RTTN: variants seen among roughly 807,000 people sequenced by gnomAD.
RTTN encodes the protein rotatin.
In RTTN, 182 loss-of-function variants were observed where a neutral mutation model predicts 269.2. The ratio of observed to expected loss-of-function variants is 0.68; its 90% CI spans 0.60 to 0.76. The LOEUF (loss-of-function observed/expected upper bound fraction) is 0.76, where lower values mean the gene tolerates loss of function less well. Among genes scored for constraint, RTTN ranks in the 30% least tolerant of loss-of-function variants. The probability of loss-of-function intolerance (pLI) is 0.00; values close to 1 mark genes in which losing one functional copy is unlikely to be tolerated. For missense variants in RTTN, 2,545 were observed against 2,608.6 expected, an observed-to-expected ratio of 0.98 and a Z score of 0.53; for synonymous variants, 1,006 against 963.5, an observed-to-expected ratio of 1.04 and a Z score of -0.82.
rs752057488 is a variant in RTTN at position 70,028,762 on chromosome 18, G to A, written c.5785C>T (p.Leu1929Phe). The A allele has an allele frequency of 1.2e-6, 2 of 1,611,796 alleles. No individual in the cohort carries two copies. The highest frequency in any genetic ancestry group is 2.2e-5 in the East Asian group (1 of 44,828). ...VIKELSIAMQLLRNCLYQNEE... is the reference protein window; with the variant it reads ...VIKELSIAMQFLRNCLYQNEE... ...TTTTGATAAAGACAGTTTCTTAGGA[G>A]CTGCATGGCAATGCTTAACTCTTTA... The change falls in exon 43 of 49, where the codon CTC (leucine) becomes TTC (phenylalanine). Residue 1929 changes from leucine to phenylalanine, a missense_variant. Physicochemically the swap from Leu to Phe is conservative, Grantham distance 22. Transcript: ENST00000640769.
At chr18:70,010,040 T>C (rs2056321412) in intron 46 of RTTN, among the ~76,000 whole-genome samples, 1 of 152,110 alleles carries the variant, frequency 6.6e-6, no homozygotes, top group Admixed American at 6.5e-5. Flanking sequence ...GAACTAACTA[T>C]CCTAAATATA....
chr18:70,173,309 A>G (rs1242337923), intron 11 of RTTN, among the ~76,000 whole-genome samples: 1 of 152,056 alleles, frequency 6.6e-6, no homozygotes, highest in Non-Finnish European at 1.5e-5. Context: ...CCTGGCTAAC[A>G]TGGTGAAACA....
At chr18:70,192,072 A>T (rs542694071) in intron 8 of RTTN, among the ~76,000 whole-genome samples, 4 of 152,340 alleles carry the variant, frequency 2.6e-5, no homozygotes, top group Admixed American at 6.5e-5. Context: ...CTCAATGAGG[A>T]TGATAATAAT....
intron 7 of RTTN, 48 bp downstream of exon 7, chr18:70,196,453 G>C: frequency 6.5e-7 from 1 of 1,535,532 alleles, no homozygotes; most frequent in Non-Finnish European, 8.9e-7. Flanking sequence ...GTTCCCAGAA[G>C]AATCTACAAA....
At chr18:70,193,176 CAAAAA>C (rs35759421) in intron 8 of RTTN, 107 bp downstream of exon 8, 242 of 660,070 alleles carry the variant, frequency 3.7e-4, no homozygotes, top group South Asian at 6.7e-4. Context: ...GTTAATGTTT[CAAAAA>C]AAAAAAAAAA....
intron 34 of RTTN, among the ~76,000 whole-genome samples, chr18:70,068,760 A>T (rs1417652424): frequency 6.6e-6 from 1 of 152,182 alleles, no homozygotes; most frequent in Non-Finnish European, 1.5e-5. Context: ...AATTCATTAG[A>T]ATGGTCTAAG....
In RTTN at chr18:70,166,999, C is replaced by A. The variant is rs1417382426; in HGVS notation, c.1722G>T (p.Leu574=). The A allele has an allele frequency of 6.2e-7, 1 of 1,613,304 alleles. No individual in the cohort carries two copies. Among genetic ancestry groups the A allele is most frequent in the African/African-American group, 1.3e-5 (1 of 75,036 alleles). ...AAAAGCTACGCAAGGCTTGGTCTGC[C>A]AGCTCCACTAATTCTAAGAGATTCT... ...GEKNLLELVE[L]ADQALRSFSY... The change falls in exon 13 of 49, where the codon CTG becomes CTT. Residue 574 remains leucine (L), a synonymous_variant. Transcript: ENST00000640769.
chr18:70,149,096 T>C (rs2060471263), intron 16 of RTTN, 59 bp from the exon 17 acceptor site: 1 of 1,480,168 alleles, frequency 6.8e-7, no homozygotes, highest in Non-Finnish European at 9.3e-7. Flanking sequence ...ACTTTTCAAC[T>C]TGAAAATAAG....
chr18:70,074,687 T>A (rs2058382605), intron 33 of RTTN: 1 of 151,706 alleles, frequency 6.6e-6, no homozygotes, highest in African/African-American at 2.4e-5. Context: ...TTCTAAAAAA[T>A]TATTATAAAA....
At chr18:70,045,726 C>T (rs2057471721) in intron 40 of RTTN, among the ~76,000 whole-genome samples, 1 of 152,298 alleles carries the variant, frequency 6.6e-6, no homozygotes, top group Non-Finnish European at 1.5e-5. Flanking sequence ...CTTAAACTTG[C>T]CTGTGCCTTT....
rs1252890494 is a variant in RTTN at position 70,148,981 on chromosome 18, T to TG, written c.2228dup (p.Ser744LysfsTer3). 6.2e-7 allele frequency: 1 copy of TG among 1,613,632 alleles called. No homozygotes were observed. Among genetic ancestry groups the TG allele is most frequent in the Non-Finnish European group, 8.5e-7 (1 of 1,179,620 alleles). ...GAAGCATCTCTTCTGTGTCAGAACT[T>TG]GCTTTGCTTAGAAGGAGAATGCAGT... On this transcript the variant is annotated frameshift_variant, in exon 17 of 49. Transcript: ENST00000640769. LOFTEE classifies it high-confidence loss of function.
chr18:70,162,354 T>C (rs1471092117), intron 14 of RTTN, among the ~76,000 whole-genome samples: 5 of 152,146 alleles, frequency 3.3e-5, no homozygotes, highest in Admixed American at 3.3e-4. Context: ...TGGGGCCTAC[T>C]TCACAAGGGA....
intron 8 of RTTN, chr18:70,193,027 C>G (rs967885552): frequency 3.1e-6 from 1 of 320,260 alleles, no homozygotes; most frequent in Non-Finnish European, 5.6e-6. Flanking sequence ...GGGACACATA[C>G]ACACACATAT....
chr18:70,113,548 A>T (rs1408566991), intron 27 of RTTN, among the ~76,000 whole-genome samples: 1 of 152,192 alleles, frequency 6.6e-6, no homozygotes, highest in Non-Finnish European at 1.5e-5. Flanking sequence ...TCCTAATTAT[A>T]TACTCAAGAG....
At chr18:70,205,535 G>T (rs990346249) in intron 1 of RTTN, 93 bp downstream of exon 1, 29 of 1,538,542 alleles carry the variant, frequency 1.9e-5, no homozygotes, top group Non-Finnish European at 2.6e-5. Context: ...GAGCGGTCGC[G>T]GAGCGGCCGG....
rs11665578 is a variant in RTTN, at chr18:70,075,210, T to C, written c.4564+142A>G. The C allele has an allele frequency of 0.18, 100,755 of 557,258 alleles. 10,842 individuals are homozygous for C. Among genetic ancestry groups the C allele is most frequent in the Non-Finnish European group, 0.22 (71,711 of 330,358 alleles). 34.5% of individuals were successfully genotyped at this position (557,258 alleles called of 1,614,324 possible). A position where few individuals can be genotyped will look rare whatever the true frequency, so the allele number is the denominator to read the frequency against. Reference sequence around the variant, plus strand: ...AGAAAGAAGACGGGAAGAAAATACATCTCTCTGGGTGGTAGAACTGGAAAT... The same window carrying C: ...AGAAAGAAGACGGGAAGAAAATACACCTCTCTGGGTGGTAGAACTGGAAAT... On this transcript the variant is annotated intron_variant, in intron 33 of 48. Coordinates refer to ENST00000640769, the MANE Select transcript of RTTN (RefSeq NM_173630.4).
chr18:70,035,516 A>T (rs1211704476), intron 40 of RTTN, among the ~76,000 whole-genome samples: 5 of 152,188 alleles, frequency 3.3e-5, no homozygotes, highest in Admixed American at 2.0e-4. Context: ...ATATACATAC[A>T]TTGAAACTGG....
chr18:70,203,222 T>G (rs1392725494), intron 3 of RTTN, among the ~76,000 whole-genome samples: 1 of 151,788 alleles, frequency 6.6e-6, no homozygotes, highest in African/African-American at 2.4e-5. Flanking sequence ...TTTTTCGAGA[T>G]GGAGTCTTGC....
intron 14 of RTTN, among the ~76,000 whole-genome samples, chr18:70,164,601 A>C (rs910573391): frequency 2.0e-5 from 3 of 152,194 alleles, no homozygotes; most frequent in African/African-American, 7.2e-5. Context: ...TACTGAAAGG[A>C]TAACACTGAG....
Sources: allele counts gnomAD v4.1 joint callset (sites outside exome capture counted in the v4.1 genomes callset), GRCh38; gene constraint gnomAD v4.1.1; transcripts MANE v1.5; gene names NCBI Gene and HGNC (gene_info 2026-07-23, HGNC 2026-07-21).